SART3: variants seen among roughly 807,000 people sequenced by gnomAD.
The protein encoded by SART3 is HIV-1 Tat-interacting protein of 110kDa.
In SART3, 44 loss-of-function variants were observed where a neutral mutation model predicts 122.3. The ratio of observed to expected loss-of-function variants is 0.36; its 90% CI spans 0.28 to 0.46. The LOEUF (loss-of-function observed/expected upper bound fraction) is 0.46. Ranked by LOEUF, SART3 falls within the 20% of genes least tolerant of loss-of-function variation. The pLI is 1.00. For synonymous variants in SART3, 442 were observed against 454.0 expected, an observed-to-expected ratio of 0.97 and a Z score of 0.34; for missense variants, 1,101 against 1,229.0, an observed-to-expected ratio of 0.90 and a Z score of 1.56.
chr12:108,557,711 G>A lies in SART3; in HGVS notation c.312+3132C>T, dbSNP rs144194639. Among the ~76,000 whole-genome samples the A allele has an allele frequency of 8.7e-4, 132 of 152,354 alleles. No homozygotes were observed. In the East Asian group the frequency reaches 0.016, roughly 19 times the overall value. On this transcript the variant is annotated intron_variant, in intron 1 of 18. Coordinates refer to ENST00000546815, the MANE Select transcript of SART3 (RefSeq NM_014706.4). ...CTTTCCACTACTCAATGGAAGGCTT[G>A]GGTTCAGGGTTGCAAAGCCATAGTC...
rs769399064 is a variant in SART3 at position 108,535,419 on chromosome 12, A to T, written c.1496T>A (p.Ile499Asn). 6.2e-7 allele frequency: 1 copy of T among 1,614,068 alleles called. No homozygotes were observed. Among genetic ancestry groups the T allele is most frequent in the Non-Finnish European group, 8.5e-7 (1 of 1,179,996 alleles). Residue 499 changes from isoleucine (I) to asparagine (N), a missense_variant, in exon 12 of 19, where the codon ATC (isoleucine) becomes AAC (asparagine). Physicochemically the swap from Ile to Asn is moderately radical, Grantham distance 149. Coordinates refer to ENST00000546815, the MANE Select transcript of SART3 (RefSeq NM_014706.4). ...GTACTTGGCATTTCCTCTGGTCATG[A>T]TGCTATCCCAGAGTTCCCGAGCTTT... Reference protein sequence around the residue: ...MQKARELWDSIMTRGNAKYAN... With the variant: ...MQKARELWDSNMTRGNAKYAN...
Position 108,538,157 on chromosome 12 carries a change from C to T in SART3, c.1109G>A (p.Arg370His), listed in dbSNP as rs370748782. 5.6e-6 allele frequency: 9 copies of T among 1,614,152 alleles called. No homozygotes were observed. The African/African-American group carries it at 6.7e-5, about 12-fold the overall frequency. ...TGTCCAGGGGCAGTTTCTAATAGCG[C>T]GGTTATGTACAGATAAAACCAAATC... The part of the protein sequence containing the change: ...VKDLVLSVHN[R>H]AIRNCPWTVA... Residue 370 changes from arginine (R) to histidine (H), a missense_variant, in exon 8 of 19, where the codon CGC (arginine) becomes CAC (histidine). Physicochemically the swap from Arg to His is conservative, Grantham distance 29 (BLOSUM62 0). This residue lies in a region of SART3 where 885 missense variants were observed against 1,080.1 expected (regional missense o/e 0.82). Transcript: ENST00000546815.
intron 1 of SART3, chr12:108,560,524 C>CATTAAAAA: frequency 2.4e-6 from 1 of 408,996 alleles, no homozygotes; most frequent in South Asian, 9.5e-5. Flanking sequence ...GGAATGGGAT[C>CATTAAAAA]AAAGTACAAG....
chr12:108,533,717 C>T (rs143998689), intron 12 of SART3, among the ~76,000 whole-genome samples: 319 of 152,230 alleles, frequency 2.1e-3, no homozygotes, highest in Middle Eastern at 0.01. Flanking sequence ...TGAACAAATA[C>T]GATTTTTTAA....
chr12:108,538,171 T>G lies in SART3; in HGVS notation c.1095A>C (p.Leu365Phe). Residue 365 changes from leucine to phenylalanine, a missense_variant, in exon 8 of 19, where the codon TTA becomes TTC. By Grantham distance (22) the Leu-to-Phe change is conservative (BLOSUM62 0). Around this residue, in one of 2 missense-constraint regions of SART3, gnomAD observed 885 missense variants for 1,080.1 expected, o/e 0.82. Coordinates refer to ENST00000546815, the MANE Select transcript of SART3 (RefSeq NM_014706.4). Reference protein sequence around the residue: ...DRQLKVKDLVLSVHNRAIRNC... With the variant: ...DRQLKVKDLVFSVHNRAIRNC... ...TTCTAATAGCGCGGTTATGTACAGA[T>G]AAAACCAAATCCTTTACTTTCAGTT... 6.2e-7 allele frequency: 1 copy of G among 1,614,212 alleles called. No homozygotes were observed. The highest frequency in any genetic ancestry group is 8.5e-7 in the Non-Finnish European group (1 of 1,180,018).
At chr12:108,530,456 TC>T in intron 14 of SART3, 146 bp from the exon 15 acceptor site, 2 of 868,770 alleles carry the variant, frequency 2.3e-6, no homozygotes, top group Non-Finnish European at 3.7e-6. Context: ...TCACGGCTGT[TC>T]CACACCAGGG....
rs1355211334 is a variant in SART3 at position 108,561,066 on chromosome 12, T to C, written c.89A>G (p.Lys30Arg). 1 of 1,614,046 alleles carries C rather than the reference T, an allele frequency of 6.2e-7. No individual in the cohort carries two copies. Among genetic ancestry groups the C allele is most frequent in the African/African-American group, 1.3e-5 (1 of 74,928 alleles). Residue 30 changes from lysine to arginine, a missense_variant, in exon 1 of 19, where the codon AAG (lysine) becomes AGG (arginine). Coordinates refer to ENST00000546815, the MANE Select transcript of SART3 (RefSeq NM_014706.4). ...CACCTTCCTCCTTGTCCTAGCCGCC[T>C]TAACCTCATCCTCCTCTCCGTCAGC... ...PKADGEEDEV[K>R]AARTRRKVLS...
At chr12:108,553,012 C>T (rs2030071821) in intron 1 of SART3, among the ~76,000 whole-genome samples, 1 of 152,054 alleles carries the variant, frequency 6.6e-6, no homozygotes. Flanking sequence ...GAGAATAGAA[C>T]CCAGTAACAG....
At chr12:108,530,379 A>G (rs559664905) in intron 14 of SART3, 69 bp from the exon 15 acceptor site, 3 of 1,545,868 alleles carry the variant, frequency 1.9e-6, no homozygotes, top group Middle Eastern at 2.0e-4. Context: ...TTTGTCATGA[A>G]AGGGGAGAAG....
chr12:108,547,685 G>C (rs1873491731), intron 3 of SART3, among the ~76,000 whole-genome samples: 1 of 152,112 alleles, frequency 6.6e-6, no homozygotes, highest in Non-Finnish European at 1.5e-5. Context: ...CTTACTACAA[G>C]TGCTTCTTCC....
At chr12:108,549,308 A>G in intron 1 of SART3, 94 bp from the exon 2 acceptor site, 1 of 1,351,212 alleles carries the variant, frequency 7.4e-7, no homozygotes, top group South Asian at 1.2e-5. Flanking sequence ...ACCTGCCACA[A>G]ACAAAATAAA....
intron 15 of SART3, among the ~76,000 whole-genome samples, chr12:108,526,954 C>A (rs1451827583): frequency 6.6e-6 from 1 of 152,150 alleles, no homozygotes; most frequent in African/African-American, 2.4e-5. Context: ...GATACCCGTG[C>A]CCCAGGGAGC....
At chr12:108,540,584 A>G (rs1040015332) in intron 6 of SART3, among the ~76,000 whole-genome samples, 2 of 146,254 alleles carry the variant, frequency 1.4e-5, no homozygotes, top group African/African-American at 5.0e-5. Flanking sequence ...AAAAAAAAAA[A>G]GATTTTAAAA....
intron 1 of SART3, among the ~76,000 whole-genome samples, chr12:108,553,743 G>A (rs1031130050): frequency 1.3e-5 from 2 of 152,148 alleles, no homozygotes; most frequent in South Asian, 2.1e-4. Context: ...AATGGAGTGG[G>A]GACAAGGACC....
At chr12:108,539,700 G>T (rs1320234493) in intron 6 of SART3, among the ~76,000 whole-genome samples, 2 of 152,212 alleles carry the variant, frequency 1.3e-5, no homozygotes, top group African/African-American at 4.8e-5. Flanking sequence ...GTTTTGGGAA[G>T]CACAGGTACA....
chr12:108,526,493 T>C lies in SART3; in HGVS notation c.1976A>G (p.Asn659Ser). The C allele has an allele frequency of 6.2e-7, 1 of 1,614,142 alleles. No homozygotes were observed. Among genetic ancestry groups the C allele is most frequent in the South Asian group, 1.1e-5 (1 of 91,074 alleles). The change falls in exon 16 of 19, where the codon AAT becomes AGT. Residue 659 changes from asparagine to serine, a missense_variant. This residue lies in a region of SART3 where 885 missense variants were observed against 1,080.1 expected (regional missense o/e 0.82). Coordinates refer to ENST00000546815, the MANE Select transcript of SART3 (RefSeq NM_014706.4). ...NSIPAAGETQ[N>S]VEVAAGPAGK... is the part of the protein sequence containing the mutation. ...AGCGGGCCCTGCTGCTACTTCTACA[T>C]TTTGTGTTTCTCCAGCTGCAGGGAT...
At chr12:108,538,709 A>T (rs537135014) in intron 7 of SART3, among the ~76,000 whole-genome samples, 1 of 152,258 alleles carries the variant, frequency 6.6e-6, no homozygotes. Context: ...TCAAGTTGTT[A>T]TAAGTCCTCA....
intron 16 of SART3, 99 bp from the exon 17 acceptor site, chr12:108,525,708 C>G: frequency 7.9e-7 from 1 of 1,261,870 alleles, no homozygotes; most frequent in Non-Finnish European, 1.2e-6. Context: ...AGCAGCCCAG[C>G]CAGGCAGACT....
intron 1 of SART3, among the ~76,000 whole-genome samples, chr12:108,554,942 CA>C (rs1301850071): frequency 6.6e-6 from 1 of 151,980 alleles, no homozygotes; most frequent in Non-Finnish European, 1.5e-5. Context: ...GCAATAAGAG[CA>C]ATGTATAAAA....
Sources: gnomAD v4.1 joint callset for allele counts (sites outside exome capture counted in the v4.1 genomes callset) on GRCh38, gnomAD v4.1.1 for gene constraint, gnomAD v4.1.1 regional missense constraint, MANE v1.5 for transcripts, NCBI Gene and HGNC (gene_info 2026-07-23, HGNC 2026-07-21) for gene names.